Variants in HERC5 observed in about 807,000 individuals in gnomAD.
HERC5 encodes HECT and RLD domain containing E3 ubiquitin protein ligase 5, also known as E3 ISG15--protein ligase HERC5.
HERC5 carries 99 observed loss-of-function variants against 119.6 expected under a neutral mutation model. The ratio of observed to expected loss-of-function variants is 0.83; its 90% CI spans 0.70 to 0.98. The LOEUF is 0.98. Among genes scored for constraint, HERC5 ranks in the 50% least tolerant of loss-of-function variants. The probability of loss-of-function intolerance (pLI) is 0.00; values close to 1 mark genes in which losing one functional copy is unlikely to be tolerated. For synonymous variants in HERC5, 478 were observed against 445.9 expected, an observed-to-expected ratio of 1.07 and a Z score of -0.91; for missense variants, 1,267 against 1,241.3, an observed-to-expected ratio of 1.02 and a Z score of -0.31.
Position 88,457,511 on chromosome 4 carries a change from G to T in HERC5, c.242G>T (p.Gly81Val). ...AGVQVHQLLA[G>V]SGGARTPKCI... The stretch of plus-strand genomic sequence containing the variant: ...GTCCAGGTTCACCAGCTGCTCGCCG[G>T]GAGCGGCGGCGCCCGGACGCCGAGT... Residue 81 changes from glycine (G) to valine (V), a missense_variant, in exon 1 of 23, where the codon GGG becomes GTG. Gly to Val is a moderately radical substitution (Grantham distance 109). This residue lies in a region of HERC5 where 777 missense variants were observed against 758.0 expected (regional missense o/e 1.03). Coordinates refer to ENST00000264350, the MANE Select transcript of HERC5 (RefSeq NM_016323.4). 7.8e-7 allele frequency: 1 copy of T among 1,283,874 alleles called. No homozygotes were observed. The highest frequency in any genetic ancestry group is 9.8e-7 in the Non-Finnish European group (1 of 1,015,636). 79.5% of individuals were successfully genotyped at this position (1,283,874 alleles called of 1,614,324 possible).
Position 88,504,384 on chromosome 4 carries a change from A to AG in HERC5, c.2735_2736insG (p.Asn912LysfsTer5), listed in dbSNP as rs1560617201. On this transcript the variant is annotated frameshift_variant, in exon 21 of 23. Coordinates refer to ENST00000264350, the MANE Select transcript of HERC5 (RefSeq NM_016323.4). LOFTEE classifies it high-confidence loss of function. The stretch of plus-strand genomic sequence containing the variant: ...GAACTGAAGGATGTGATTGTTGGAA[A>AG]TACAGATTATGATTGGAAAACATTT... 2 of 1,608,492 alleles carry AG rather than the reference A, an allele frequency of 1.2e-6. No individual in the cohort carries two copies. Among genetic ancestry groups the AG allele is most frequent in the Non-Finnish European group, 1.7e-6 (2 of 1,175,912 alleles).
At chr4:88,493,385 T>C (rs957005252) in intron 17 of HERC5, among the ~76,000 whole-genome samples, 2 of 152,192 alleles carry the variant, frequency 1.3e-5, no homozygotes, top group Non-Finnish European at 2.9e-5. Context: ...TTTTGATCAT[T>C]TATATAATGC....
intron 12 of HERC5, among the ~76,000 whole-genome samples, chr4:88,477,717 A>G (rs1274039209): frequency 6.6e-6 from 1 of 152,156 alleles, no homozygotes; most frequent in South Asian, 2.1e-4. Context: ...TTTCCAGTAC[A>G]CCGCAAGTAA....
chr4:88,457,468 G>C lies in HERC5; in HGVS notation c.199G>C (p.Glu67Gln). The change falls in exon 1 of 23, where the codon GAA (glutamate) becomes CAA (glutamine). Residue 67 changes from glutamate to glutamine, a missense_variant. By Grantham distance (29) the Glu-to-Gln change is conservative (BLOSUM62 2). Coordinates refer to ENST00000264350, the MANE Select transcript of HERC5 (RefSeq NM_016323.4). ...CTCGCCGGGGCGCCTCGCGGTCTTG[G>C]AACGCGGCGGGGCGGGCGTCCAGGT... ...CCSPGRLAVL[E>Q]RGGAGVQVHQ... The C allele has an allele frequency of 7.5e-7, 1 of 1,332,852 alleles. No individual in the cohort carries two copies. The highest frequency in any genetic ancestry group is 9.6e-7 in the Non-Finnish European group (1 of 1,042,762). The allele number at this position is 1,332,852 out of a possible 1,614,324, so 82.6% of individuals were successfully genotyped here. A position where few individuals can be genotyped will look rare whatever the true frequency, so the allele number is the denominator to read the frequency against.
intron 14 of HERC5, among the ~76,000 whole-genome samples, chr4:88,486,726 A>T (rs558186001): frequency 1.3e-3 from 194 of 152,328 alleles, no homozygotes; most frequent in South Asian, 3.1e-3. Flanking sequence ...TTCATGTATG[A>T]GCTAACCAGC....
At chr4:88,488,287 A>G (rs1333764301) in intron 15 of HERC5, among the ~76,000 whole-genome samples, 1 of 146,096 alleles carries the variant, frequency 6.8e-6, no homozygotes, top group African/African-American at 2.6e-5. Flanking sequence ...ACTGGAGTGC[A>G]GTGGCATGAT....
At chr4:88,458,228 A>G (rs1415881487) in intron 1 of HERC5, 2 of 329,094 alleles carry the variant, frequency 6.1e-6, no homozygotes, top group African/African-American at 4.5e-5. Flanking sequence ...TCGTACATGT[A>G]ATATTTTTCT....
At position 88,457,403 on chromosome 4, in the gene HERC5, C is replaced by T; in HGVS notation, c.134C>T (p.Ala45Val). 7.2e-7 allele frequency: 1 copy of T among 1,398,534 alleles called. No homozygotes were observed. The highest frequency in any genetic ancestry group is 9.3e-7 in the Non-Finnish European group (1 of 1,078,998). 86.6% of individuals were successfully genotyped at this position (1,398,534 alleles called of 1,614,324 possible). A position where few individuals can be genotyped will look rare whatever the true frequency, so the allele number is the denominator to read the frequency against. The change falls in exon 1 of 23, where the codon GCG becomes GTG. Residue 45 changes from alanine to valine, a missense_variant. This residue lies in a region of HERC5 where 777 missense variants were observed against 758.0 expected (regional missense o/e 1.03). Transcript: ENST00000264350. ...LFPSAAGLHR[A>V]LLRRVEVTRQ... The stretch of plus-strand genomic sequence containing the variant: ...CCCAGCGCCGCGGGCCTCCACCGCG[C>T]GCTGCTCCGGAGGGTGGAGGTGACG...
At chr4:88,488,193 T>C (rs1368314513) in intron 15 of HERC5, among the ~76,000 whole-genome samples, 1 of 152,054 alleles carries the variant, frequency 6.6e-6, no homozygotes, top group African/African-American at 2.4e-5. Flanking sequence ...AAGTAATATT[T>C]GACTACTCCT....
At position 88,504,574 on chromosome 4, in the gene HERC5, T is replaced by C. The variant is rs1373846500; in HGVS notation, c.2846T>C (p.Leu949Pro). The C allele has an allele frequency of 1.9e-6, 3 of 1,568,794 alleles. No individual in the cohort carries two copies. Among genetic ancestry groups the C allele is most frequent in the Non-Finnish European group, 2.6e-6 (3 of 1,161,780 alleles). Residue 949 changes from leucine (L) to proline (P), a missense_variant, in exon 22 of 23, where the codon CTG becomes CCG. By Grantham distance (98) the Leu-to-Pro change is moderately conservative. Transcript: ENST00000264350. The stretch of plus-strand genomic sequence containing the variant: ...TGGAAGGCTTTCCACAAATTGACTC[T>C]GGAAGAAAAGAAAAAATTCCTTGGT... ...MFWKAFHKLTLEEKKKFLVFL... is the reference protein window; with the variant it reads ...MFWKAFHKLTPEEKKKFLVFL...
intron 18 of HERC5, among the ~76,000 whole-genome samples, chr4:88,496,006 G>A (rs1043975680): frequency 6.6e-6 from 1 of 152,024 alleles, no homozygotes; most frequent in Admixed American, 6.6e-5. Context: ...AATATTTACG[G>A]GATTAGAAAT....
intron 8 of HERC5, 78 bp downstream of exon 8, chr4:88,468,500 A>G (rs1740753766): frequency 4.2e-6 from 4 of 945,072 alleles, no homozygotes; most frequent in African/African-American, 1.7e-5. Flanking sequence ...AGTTTGGTGA[A>G]TTCCAAAATC....
At chr4:88,474,381 A>G (rs776917078) in intron 11 of HERC5, among the ~76,000 whole-genome samples, 6 of 152,212 alleles carry the variant, frequency 3.9e-5, no homozygotes, top group Admixed American at 1.3e-4. Flanking sequence ...GCGTATGCCA[A>G]AGCACAGTGT....
intron 2 of HERC5, 95 bp from the exon 3 acceptor site, chr4:88,460,000 A>G (rs1740362709): frequency 1.6e-6 from 1 of 640,290 alleles, no homozygotes; most frequent in Admixed American, 3.5e-5. Flanking sequence ...TTTTTTCTTG[A>G]GCTTCATTTC....
chr4:88,506,110 T>C lies in HERC5; in HGVS notation c.*232T>C. On this transcript the variant is annotated 3_prime_UTR_variant, in exon 23 of 23. Transcript: ENST00000264350. ...TGGATACCCCTATGCCTACATCATA[T>C]TCCTTACCTCTTTTGGGAAATATTT... 2.2e-6 allele frequency: 1 copy of C among 459,260 alleles called. No individual in the cohort carries two copies. The highest frequency in any genetic ancestry group is 3.5e-5 in the East Asian group (1 of 28,918). 28.4% of individuals were successfully genotyped at this position (459,260 alleles called of 1,614,324 possible). A position where few individuals can be genotyped will look rare whatever the true frequency, so the allele number is the denominator to read the frequency against.
chr4:88,459,554 C>A, intron 2 of HERC5, 84 bp downstream of exon 2: 1 of 897,144 alleles, frequency 1.1e-6, no homozygotes, highest in Non-Finnish European at 1.6e-6. Context: ...GATTCTTGTC[C>A]CCTGCTTTAT....
At chr4:88,501,415 A>G (rs1486351620) in intron 20 of HERC5, among the ~76,000 whole-genome samples, 3 of 152,196 alleles carry the variant, frequency 2.0e-5, no homozygotes, top group African/African-American at 7.2e-5. Context: ...GTGGTGCCTG[A>G]TACATTGCAG....
chr4:88,474,637 A>G (rs960431155), intron 11 of HERC5, among the ~76,000 whole-genome samples: 1 of 152,220 alleles, frequency 6.6e-6, no homozygotes, highest in East Asian at 1.9e-4. Flanking sequence ...GATATCACTT[A>G]GCCACTATCT....
At chr4:88,469,027 T>C in intron 8 of HERC5, 130 bp from the exon 9 acceptor site, 1 of 596,606 alleles carries the variant, frequency 1.7e-6, no homozygotes. Context: ...GAGTATCACT[T>C]TGTGATTGTC....
Sources: allele counts gnomAD v4.1 joint callset (sites outside exome capture counted in the v4.1 genomes callset), GRCh38; gene constraint gnomAD v4.1.1; regional missense constraint gnomAD v4.1.1; transcripts MANE v1.5; gene names NCBI Gene and HGNC (gene_info 2026-07-23, HGNC 2026-07-21).